Variants in PKN2 observed in about 807,000 individuals in gnomAD.
The protein encoded by PKN2 is serine/threonine-protein kinase N2.
In PKN2, 38 loss-of-function variants were observed where a neutral mutation model predicts 119.1. That is an observed-to-expected ratio of 0.32 (90% CI 0.25 to 0.42). The LOEUF (loss-of-function observed/expected upper bound fraction) is 0.42. Among genes scored for constraint, PKN2 ranks in the 10% least tolerant of loss-of-function variants. The pLI is 1.00. For synonymous variants in PKN2, 390 were observed against 384.9 expected, an observed-to-expected ratio of 1.01 and a Z score of -0.15; for missense variants, 850 against 1,165.1, an observed-to-expected ratio of 0.73 and a Z score of 3.94.
chr1:88,720,626 CT>C (rs749644076), intron 1 of PKN2, among the ~76,000 whole-genome samples: 8 of 151,844 alleles, frequency 5.3e-5, no homozygotes, highest in African/African-American at 1.2e-4. Flanking sequence ...TTTCGTGACC[CT>C]TTTTTTTATT....
chr1:88,693,982 A>G (rs990664131), intron 1 of PKN2, among the ~76,000 whole-genome samples: 1 of 152,172 alleles, frequency 6.6e-6, no homozygotes, highest in Admixed American at 6.5e-5. Context: ...TAGACTTCAT[A>G]TTTTAAAGCA....
At chr1:88,804,646 C>A in intron 9 of PKN2, 112 bp downstream of exon 9, 8 of 1,052,272 alleles carry the variant, frequency 7.6e-6, no homozygotes, top group South Asian at 1.5e-5. Flanking sequence ...GACTTGAGTT[C>A]TTGGCTGAGC....
chr1:88,739,373 C>T (rs1044705466), intron 1 of PKN2, among the ~76,000 whole-genome samples: 3 of 151,992 alleles, frequency 2.0e-5, no homozygotes, highest in African/African-American at 4.8e-5. Context: ...CCTGCAGGCA[C>T]AAGGTAAATT....
At chr1:88,781,160 TAGTA>T (rs1557606674) in intron 6 of PKN2, 1 of 1,279,858 alleles carries the variant, frequency 7.8e-7, no homozygotes, top group East Asian at 5.7e-5. Flanking sequence ...CATGGATGAA[TAGTA>T]AGAGCATTTG....
intron 3 of PKN2, among the ~76,000 whole-genome samples, chr1:88,765,712 C>T (rs1245682313): frequency 6.6e-6 from 1 of 152,146 alleles, no homozygotes; most frequent in Non-Finnish European, 1.5e-5. Context: ...AGAAATTCTC[C>T]AGTCTTGACA....
intron 3 of PKN2, among the ~76,000 whole-genome samples, chr1:88,760,955 T>C (rs1351569231): frequency 6.6e-6 from 1 of 152,186 alleles, no homozygotes; most frequent in Non-Finnish European, 1.5e-5. Flanking sequence ...ATTTAGTCTG[T>C]AATGAATTTT....
intron 8 of PKN2, among the ~76,000 whole-genome samples, chr1:88,791,284 A>T (rs753981677): frequency 6.6e-6 from 1 of 152,046 alleles, no homozygotes; most frequent in African/African-American, 2.4e-5. Flanking sequence ...GAAAATCCAA[A>T]AGTTAGCCGG....
At chr1:88,717,384 G>A (rs1232330111) in intron 1 of PKN2, among the ~76,000 whole-genome samples, 2 of 152,156 alleles carry the variant, frequency 1.3e-5, no homozygotes, top group Non-Finnish European at 2.9e-5. Context: ...ATATCCTGCA[G>A]AGTGTTTTCC....
At chr1:88,799,527 G>C (rs1020711752) in intron 8 of PKN2, among the ~76,000 whole-genome samples, 3 of 152,124 alleles carry the variant, frequency 2.0e-5, no homozygotes, top group African/African-American at 7.2e-5. Context: ...ACTTGGCTCT[G>C]ACTTACAATG....
intron 1 of PKN2, among the ~76,000 whole-genome samples, chr1:88,689,594 T>A (rs1298426573): frequency 6.6e-6 from 1 of 152,174 alleles, no homozygotes; most frequent in African/African-American, 2.4e-5. Flanking sequence ...GCGGATCACC[T>A]GAGGTCAGGA....
chr1:88,692,895 G>C (rs1666386649), intron 1 of PKN2, among the ~76,000 whole-genome samples: 1 of 152,132 alleles, frequency 6.6e-6, no homozygotes, highest in Non-Finnish European at 1.5e-5. Context: ...CAACAGGCTT[G>C]TATTTAATAT....
Position 88,707,423 on chromosome 1 carries a change from A to G in PKN2, c.48+22795A>G, listed in dbSNP as rs528577396. ...TAGCGACAGTGTAGTGTCTCATTGC[A>G]TTGCATATATTATAAATCTGTTTTT... is the stretch of plus-strand genomic sequence containing the variant. On this transcript the variant is annotated intron_variant, in intron 1 of 21. Coordinates refer to ENST00000370521, the MANE Select transcript of PKN2 (RefSeq NM_006256.4). Among the ~76,000 whole-genome samples, 66 of 152,222 alleles carry G rather than the reference A, an allele frequency of 4.3e-4. No individual in the cohort carries two copies. In the South Asian group the frequency reaches 5.6e-3, roughly 13 times the overall value.
chr1:88,742,911 C>T (rs1168783896), intron 2 of PKN2, among the ~76,000 whole-genome samples: 2 of 152,162 alleles, frequency 1.3e-5, no homozygotes, highest in Admixed American at 1.3e-4. Flanking sequence ...TTTATTGTGG[C>T]TGGGTGCAGT....
At position 88,833,098 on chromosome 1, in the gene PKN2, C is replaced by A; in HGVS notation, c.2692C>A (p.Arg898=). 2 of 1,612,326 alleles carry A rather than the reference C, an allele frequency of 1.2e-6. No individual in the cohort carries two copies. The highest frequency in any genetic ancestry group is 1.3e-5 in the African/African-American group (1 of 74,924). The change falls in exon 21 of 22, where the codon CGG becomes AGG. Residue 898 remains arginine, a synonymous_variant. Transcript: ENST00000370521. The part of the protein sequence containing the change: ...MRRLLRRNPE[R]RLGASEKDAE... ...CTAGCTGTTAAGAAGAAATCCTGAA[C>A]GGCGCCTTGGGGCTAGCGAGAAAGA...
chr1:88,761,947 G>A (rs1371521440), intron 3 of PKN2, among the ~76,000 whole-genome samples: 1 of 151,800 alleles, frequency 6.6e-6, no homozygotes, highest in East Asian at 1.9e-4. Flanking sequence ...TTTGTTCCTG[G>A]AACTGCGATT....
chr1:88,784,633 C>T lies in PKN2; in HGVS notation c.986-6C>T. On this transcript the variant is annotated splice_polypyrimidine_tract_variant and splice_region_variant and intron_variant, in intron 6 of 21. Coordinates refer to ENST00000370521, the MANE Select transcript of PKN2 (RefSeq NM_006256.4). ...GTTCTTATCTGATATTTATGTTTGC[C>T]AACAGGTACTTTGGAAGTTCGTCTT... 1 of 1,546,120 alleles carries T rather than the reference C, an allele frequency of 6.5e-7. No individual in the cohort carries two copies. The highest frequency in any genetic ancestry group is 8.7e-7 in the Non-Finnish European group (1 of 1,142,894).
chr1:88,777,812 C>T (rs769831572), intron 6 of PKN2, among the ~76,000 whole-genome samples: 1 of 152,086 alleles, frequency 6.6e-6, no homozygotes, highest in Non-Finnish European at 1.5e-5. Context: ...GTACTGCAGA[C>T]CAGCATTAAC....
chr1:88,808,562 C>T (rs894342033), intron 15 of PKN2, among the ~76,000 whole-genome samples: 2 of 152,120 alleles, frequency 1.3e-5, no homozygotes, highest in African/African-American at 4.8e-5. Flanking sequence ...CCTTGGCCTC[C>T]CAAAGTGCTG....
At chr1:88,829,746 C>T (rs1037535603) in intron 19 of PKN2, among the ~76,000 whole-genome samples, 2 of 152,118 alleles carry the variant, frequency 1.3e-5, no homozygotes, top group Admixed American at 1.3e-4. Flanking sequence ...GGGATTGGTT[C>T]ATTATTCTGC....
Sources: allele counts gnomAD v4.1 joint callset (sites outside exome capture counted in the v4.1 genomes callset), GRCh38; gene constraint gnomAD v4.1.1; transcripts MANE v1.5; gene names NCBI Gene and HGNC (gene_info 2026-07-23, HGNC 2026-07-21).